PRICKLE2: variants seen among roughly 807,000 people sequenced by gnomAD.
The protein encoded by PRICKLE2 is prickle planar cell polarity protein 2.
A neutral mutation model predicts 81.4 loss-of-function variants in PRICKLE2; 21 were observed. The observed-to-expected ratio is 0.26, with a 90% confidence interval of 0.18 to 0.37. The LOEUF is 0.37. Ranked by LOEUF, PRICKLE2 falls within the 10% of genes least tolerant of loss-of-function variation. PRICKLE2 has a pLI of 1.00. For missense variants in PRICKLE2, 940 were observed against 1,109.0 expected (o/e 0.85, Z 2.16); for synonymous variants, 456 against 421.5 (o/e 1.08, Z -1.00).
chr3:64,157,631 T>C (rs2077658563), intron 4 of PRICKLE2, among the ~76,000 whole-genome samples: 1 of 152,210 alleles, frequency 6.6e-6, no homozygotes, highest in African/African-American at 2.4e-5. Flanking sequence ...AAAGCTCTTT[T>C]AGCACAATAA....
At chr3:64,208,917 CATCCATCCACCCATCT>C (rs2078738538) in intron 1 of PRICKLE2, among the ~76,000 whole-genome samples, 1 of 152,128 alleles carries the variant, frequency 6.6e-6, no homozygotes, top group South Asian at 2.1e-4. Flanking sequence ...TCTACCTGTC[CATCCATCCACCCATCT>C]ATCCATCCAT....
intron 2 of PRICKLE2, among the ~76,000 whole-genome samples, chr3:64,259,642 ATG>A (rs2079586988): frequency 2.7e-4 from 1 of 3,720 alleles, no homozygotes; most frequent in Non-Finnish European, 8.8e-4. Context: ...GGAAGAGATT[ATG>A]AGATTATGTA....
rs2076548666 is a variant in PRICKLE2, at chr3:64,094,864, T to G, written c.*4187A>C. On this transcript the variant is annotated 3_prime_UTR_variant, in exon 8 of 8. Transcript: ENST00000638394. The stretch of plus-strand genomic sequence containing the variant: ...CAGTGGAGGCTTGGCTACTGAGTCT[T>G]GCATATGCAAATGCTGTCTGCAGAG... 6.6e-6 allele frequency: 1 copy of G among 152,654 alleles called. No individual in the cohort carries two copies. Among genetic ancestry groups the G allele is most frequent in the African/African-American group, 2.4e-5 (1 of 41,466 alleles). 9.5% of individuals were successfully genotyped at this position (152,654 alleles called of 1,614,324 possible). A position where few individuals can be genotyped will look rare whatever the true frequency, so the allele number is the denominator to read the frequency against.
chr3:64,239,641 A>G lies in PRICKLE2; in HGVS notation c.129-40674T>C, dbSNP rs182310609. Among the ~76,000 whole-genome samples the G allele has an allele frequency of 2.6e-5, 4 of 152,256 alleles. No homozygotes were observed. In the East Asian group the frequency reaches 7.7e-4, roughly 29 times the overall value. ...TTTATAAGCCAGATTTATAGGTGAC[A>G]TTTACTGCAGACACAAATCTAATTC... On this transcript the variant is annotated intron_variant, in intron 2 of 8. Coordinates refer to the PRICKLE2 transcript ENST00000295902.
rs896719293 is a variant in PRICKLE2, at chr3:64,263,136, C to G, written c.129-64169G>C. ...CACACATGGCGCCTTTTTTTGTTTTCTTTTTTAGAAGAGCAATTCACCAAA... is the reference window on the plus strand; with the variant it reads ...CACACATGGCGCCTTTTTTTGTTTTGTTTTTTAGAAGAGCAATTCACCAAA... On this transcript the variant is annotated intron_variant, in intron 2 of 8. Coordinates refer to the PRICKLE2 transcript ENST00000295902. 2.6e-5 allele frequency among the ~76,000 whole-genome samples: 4 copies of G among 151,946 alleles called. No homozygotes were observed. In the East Asian group the frequency reaches 5.8e-4, roughly 22 times the overall value.
chr3:64,187,099 C>T (rs113307590), intron 2 of PRICKLE2, among the ~76,000 whole-genome samples: 14 of 152,190 alleles, frequency 9.2e-5, no homozygotes, highest in African/African-American at 2.4e-4. Context: ...ATAATCTGCA[C>T]GCAAGCCTTG....
chr3:64,201,220 C>T lies in PRICKLE2; in HGVS notation c.-40-2253G>A, dbSNP rs933197194. On this transcript the variant is annotated intron_variant, in intron 1 of 7. Transcript: ENST00000638394. ...CTAGGATTACAGGCATGAGCCACCA[C>T]GCCTGGCCAAAGTTTTTAATTCTTT... Among the ~76,000 whole-genome samples the T allele has an allele frequency of 2.0e-4, 31 of 152,144 alleles. 1 individual carries two copies. Among genetic ancestry groups the T allele is most frequent in the African/African-American group, 7.2e-4 (30 of 41,426 alleles).
intron 2 of PRICKLE2, chr3:64,268,165 C>T (rs1401279948): frequency 2.6e-5 from 4 of 152,456 alleles, no homozygotes; most frequent in Middle Eastern, 3.4e-3. Context: ...GGGAGAGGAG[C>T]TCCAAGCTCT....
chr3:64,100,082 G>T (rs562728481), intron 7 of PRICKLE2, 157 bp from the exon 8 acceptor site: 1 of 729,234 alleles, frequency 1.4e-6, no homozygotes, highest in East Asian at 2.6e-5. Flanking sequence ...CTGTGAGGGG[G>T]TTCTCTCCAC....
At chr3:64,155,121 CCTGGGTGACAG>C (rs1223368009) in intron 5 of PRICKLE2, 1 of 139,286 alleles carries the variant, frequency 7.2e-6, no homozygotes, top group African/African-American at 2.7e-5. Flanking sequence ...TGCACTCCAG[CCTGGGTGACAG>C]AGTGAGACTC....
intron 7 of PRICKLE2, among the ~76,000 whole-genome samples, chr3:64,135,986 T>G (rs115554882): frequency 2.0e-4 from 30 of 152,314 alleles, no homozygotes; most frequent in African/African-American, 7.2e-4. Flanking sequence ...CAGTCCGTGA[T>G]GATTCCAAAA....
chr3:64,207,740 C>T (rs1228348213), intron 1 of PRICKLE2, among the ~76,000 whole-genome samples: 1 of 152,110 alleles, frequency 6.6e-6, no homozygotes, highest in Admixed American at 6.5e-5. Flanking sequence ...AAAAAAAAAT[C>T]TGACAACCAG....
chr3:64,243,644 C>T, intron 2 of PRICKLE2, among the ~76,000 whole-genome samples: 1 of 152,166 alleles, frequency 6.6e-6, no homozygotes, highest in South Asian at 2.1e-4. Flanking sequence ...TAATAGTATT[C>T]TGAGGATTAA....
At chr3:64,104,589 G>A (rs1256055239) in intron 7 of PRICKLE2, 1 of 152,250 alleles carries the variant, frequency 6.6e-6, no homozygotes, top group Non-Finnish European at 1.5e-5. Flanking sequence ...CTGCTGGGAG[G>A]TGTACTGCCT....
intron 1 of PRICKLE2, among the ~76,000 whole-genome samples, chr3:64,223,130 T>G (rs1454477698): frequency 3.3e-5 from 5 of 152,244 alleles, no homozygotes; most frequent in Non-Finnish European, 4.4e-5. Flanking sequence ...CAAATGGATG[T>G]GAACATGTTG....
At chr3:64,224,023 G>C (rs1388312741) in intron 1 of PRICKLE2, among the ~76,000 whole-genome samples, 1 of 152,192 alleles carries the variant, frequency 6.6e-6, no homozygotes, top group African/African-American at 2.4e-5. Context: ...CCCTGACTGT[G>C]CTCATACATG....
chr3:64,130,984 G>A (rs1352791166), intron 7 of PRICKLE2, among the ~76,000 whole-genome samples: 1 of 152,198 alleles, frequency 6.6e-6, no homozygotes, highest in African/African-American at 2.4e-5. Context: ...TAAGTGTGAA[G>A]TATTCACTCT....
chr3:64,146,768 C>T, intron 7 of PRICKLE2, 62 bp downstream of exon 7: 1 of 1,589,120 alleles, frequency 6.3e-7, no homozygotes, highest in African/African-American at 1.3e-5. Context: ...TCCTGGGGAC[C>T]AGCATCCAGT....
chr3:64,134,060 T>C (rs1363991749), intron 7 of PRICKLE2, among the ~76,000 whole-genome samples: 1 of 152,172 alleles, frequency 6.6e-6, no homozygotes, highest in Non-Finnish European at 1.5e-5. Flanking sequence ...AAATAATGAA[T>C]TTTCCATGTA....
Sources: allele counts gnomAD v4.1 joint callset (sites outside exome capture counted in the v4.1 genomes callset), GRCh38; gene constraint gnomAD v4.1.1; transcripts MANE v1.5; gene names NCBI Gene and HGNC (gene_info 2026-07-23, HGNC 2026-07-21).